PHTF2: variants seen among roughly 807,000 people sequenced by gnomAD.
PHTF2 encodes putative homeodomain transcription factor 2.
PHTF2 carries 60 observed loss-of-function variants against 101.2 expected under a neutral mutation model. That is an observed-to-expected ratio of 0.59 (90% confidence interval 0.48 to 0.73). PHTF2 has a LOEUF of 0.73. Among genes scored for constraint, PHTF2 ranks in the 30% least tolerant of loss-of-function variants. The pLI is 0.00. For missense variants in PHTF2, 747 were observed against 908.7 expected (o/e 0.82, Z 2.29); for synonymous variants, 311 against 307.3 (o/e 1.01, Z -0.13).
chr7:77,857,277 G>C (rs1204041453), intron 3 of PHTF2, among the ~76,000 whole-genome samples: 1 of 152,198 alleles, frequency 6.6e-6, no homozygotes, highest in Admixed American at 6.5e-5. Flanking sequence ...GAAAGTTGTG[G>C]AAAGAAGGAG....
Position 77,894,228 on chromosome 7 carries a change from T to C in PHTF2, c.216+235T>C, listed in dbSNP as rs186814504. Among the ~76,000 whole-genome samples, 11 of 152,338 alleles carry C rather than the reference T, an allele frequency of 7.2e-5. No individual in the cohort carries two copies. The East Asian group carries it at 1.2e-3, about 16-fold the overall frequency. ...TATCTCTTATGCTGATAAAATATTC[T>C]CATAGATTACCTTGCTAGCATGAAA... is the stretch of plus-strand genomic sequence containing the variant. On this transcript the variant is annotated intron_variant, in intron 5 of 19. Coordinates refer to ENST00000416283, the Ensembl canonical transcript of PHTF2.
intron 3 of PHTF2, among the ~76,000 whole-genome samples, chr7:77,864,192 C>T (rs568564817): frequency 1.3e-5 from 2 of 152,304 alleles, no homozygotes; most frequent in South Asian, 2.1e-4. Flanking sequence ...GAAAGTGTTA[C>T]AGGAACTCAC....
chr7:77,812,392 T>C (rs1302766611), intron 1 of PHTF2, among the ~76,000 whole-genome samples: 3 of 152,214 alleles, frequency 2.0e-5, no homozygotes, highest in Non-Finnish European at 4.4e-5. Context: ...TCAAACCCAA[T>C]TATTATCTCT....
chr7:77,883,639 G>A (rs1400776117), intron 3 of PHTF2, among the ~76,000 whole-genome samples: 2 of 152,106 alleles, frequency 1.3e-5, no homozygotes, highest in Non-Finnish European at 2.9e-5. Context: ...TCTATAAACT[G>A]TAAGCAGTTA....
At chr7:77,895,932 C>T (rs972710743) in intron 5 of PHTF2, 1 of 152,114 alleles carries the variant, frequency 6.6e-6, no homozygotes, top group Admixed American at 6.5e-5. Flanking sequence ...AGTTATAGAT[C>T]AGATGAAGTC....
chr7:77,892,875 A>G (rs1800556333), intron 3 of PHTF2, among the ~76,000 whole-genome samples: 1 of 152,206 alleles, frequency 6.6e-6, no homozygotes, highest in Non-Finnish European at 1.5e-5. Flanking sequence ...TTGTTTTCCA[A>G]TTTAAACTTT....
Position 77,841,075 on chromosome 7 carries a change from C to CT in PHTF2, c.45+795dup, listed in dbSNP as rs57283892. On this transcript the variant is annotated intron_variant, in intron 2 of 19. Transcript: ENST00000416283. ...TTTCTTATATAGGAGAAAAAACAGA[C>CT]TTTTTTTTTTTTTTTTTTTTGAGAT... Among the ~76,000 whole-genome samples, 755 of 77,228 alleles carry CT rather than the reference C, an allele frequency of 9.8e-3. 63 individuals are homozygous for CT. Among genetic ancestry groups the CT allele is most frequent in the Admixed American group, 0.063 (367 of 5,846 alleles). The allele number at this position is 77,228 out of a possible 152,430, so 50.7% of individuals were successfully genotyped here.
intron 2 of PHTF2, among the ~76,000 whole-genome samples, chr7:77,850,699 T>TG (rs1263815092): frequency 6.6e-6 from 1 of 151,534 alleles, no homozygotes; most frequent in Non-Finnish European, 1.5e-5. Flanking sequence ...GTGGGGGCTT[T>TG]GGGGGGAAAA....
chr7:77,900,125 G>A (rs886901539), intron 5 of PHTF2, among the ~76,000 whole-genome samples: 3 of 152,032 alleles, frequency 2.0e-5, no homozygotes, highest in African/African-American at 7.2e-5. Context: ...CCTGGTTATG[G>A]TGTCTAAGTT....
intron 3 of PHTF2, among the ~76,000 whole-genome samples, chr7:77,872,859 A>G (rs1299354136): frequency 6.6e-6 from 1 of 152,156 alleles, no homozygotes; most frequent in Non-Finnish European, 1.5e-5. Context: ...AAGGGAGATC[A>G]GACATTTCTA....
intron 1 of PHTF2, among the ~76,000 whole-genome samples, chr7:77,835,087 A>G (rs1312843219): frequency 6.6e-6 from 1 of 152,130 alleles, no homozygotes; most frequent in Non-Finnish European, 1.5e-5. Context: ...AGCCTGGCCA[A>G]CAGGGTGAAA....
chr7:77,834,413 C>G (rs1795297592), intron 1 of PHTF2, among the ~76,000 whole-genome samples: 1 of 151,720 alleles, frequency 6.6e-6, no homozygotes, highest in South Asian at 2.1e-4. Flanking sequence ...TGTTGATTGG[C>G]TATACATTGT....
intron 12 of PHTF2, among the ~76,000 whole-genome samples, chr7:77,933,010 G>C (rs1038857720): frequency 6.6e-6 from 1 of 152,176 alleles, no homozygotes; most frequent in Admixed American, 6.5e-5. Context: ...AGGCCGAGGC[G>C]GGTGGATCAC....
At chr7:77,832,813 T>C (rs1455233321) in intron 1 of PHTF2, among the ~76,000 whole-genome samples, 2 of 151,838 alleles carry the variant, frequency 1.3e-5, no homozygotes, top group East Asian at 3.9e-4. Context: ...TTATATATTA[T>C]AATGTAATAA....
chr7:77,930,968 T>C (rs992075700), intron 12 of PHTF2, among the ~76,000 whole-genome samples: 27 of 152,196 alleles, frequency 1.8e-4, no homozygotes, highest in Non-Finnish European at 3.5e-4. Context: ...TATAGACATA[T>C]AAACATATAT....
intron 3 of PHTF2, among the ~76,000 whole-genome samples, chr7:77,868,142 T>C (rs960571174): frequency 6.6e-6 from 1 of 151,656 alleles, no homozygotes; most frequent in Non-Finnish European, 1.5e-5. Context: ...TAAAATTGGA[T>C]CTTTTGTTTT....
chr7:77,943,127 C>G, intron 16 of PHTF2, among the ~76,000 whole-genome samples: 1 of 151,944 alleles, frequency 6.6e-6, no homozygotes, highest in East Asian at 1.9e-4. Flanking sequence ...TTCTTTCTTT[C>G]TTTCTTTTTT....
At chr7:77,933,709 G>GTTTTT (rs1157738956) in intron 12 of PHTF2, among the ~76,000 whole-genome samples, 1 of 127,264 alleles carries the variant, frequency 7.9e-6, no homozygotes, top group South Asian at 2.5e-4. Context: ...CAGGGACCAT[G>GTTTTT]TGTTTTTTTT....
chr7:77,802,949 G>A (rs948405033), intron 1 of PHTF2, among the ~76,000 whole-genome samples: 6 of 152,182 alleles, frequency 3.9e-5, no homozygotes, highest in African/African-American at 1.4e-4. Flanking sequence ...AACATCACTT[G>A]ATGACCAGAA....
Sources: gnomAD v4.1 joint callset for allele counts (sites outside exome capture counted in the v4.1 genomes callset) on GRCh38, gnomAD v4.1.1 for gene constraint, MANE v1.5 for transcripts, NCBI Gene and HGNC (gene_info 2026-07-23, HGNC 2026-07-21) for gene names.